ERI1: variants seen among roughly 807,000 people sequenced by gnomAD.
ERI1 encodes the protein exoribonuclease 1.
Under a neutral mutation model 39.7 loss-of-function variants are expected in ERI1, and 39 were observed. That is an observed-to-expected ratio of 0.98 (90% confidence interval 0.76 to 1.28). The LOEUF is 1.28. ERI1 is among the 50% of genes most tolerant of loss of function. The pLI is 0.00. For missense variants in ERI1, 581 were observed against 416.9 expected (o/e 1.39, Z -3.43); for synonymous variants, 204 against 149.6 (o/e 1.36, Z -2.65).
At chr8:9,062,069 A>G (rs887129100) in intron 3 of ERI1, among the ~76,000 whole-genome samples, 13 of 152,204 alleles carry the variant, frequency 8.5e-5, no homozygotes, top group Admixed American at 7.2e-4. Context: ...GTCTGGTTTT[A>G]GGACAGGTGA....
chr8:9,068,326 A>T (rs1393337913), intron 3 of ERI1, among the ~76,000 whole-genome samples: 1 of 152,118 alleles, frequency 6.6e-6, no homozygotes, highest in Non-Finnish European at 1.5e-5. Flanking sequence ...CTTTTAGTAG[A>T]GGTTCTCTTT....
intron 3 of ERI1, among the ~76,000 whole-genome samples, chr8:9,055,975 G>A (rs1320825258): frequency 1.3e-5 from 2 of 152,178 alleles, no homozygotes; most frequent in Admixed American, 6.5e-5. Context: ...GAAAGGCAGG[G>A]GAAGGTCAGA....
chr8:9,038,512 C>T (rs940181029), intron 3 of ERI1, among the ~76,000 whole-genome samples: 33 of 152,314 alleles, frequency 2.2e-4, no homozygotes, highest in African/African-American at 7.7e-4. Flanking sequence ...GTAATCCTAA[C>T]ACTTTGGGAG....
At chr8:9,092,021 A>G (rs530065747) in intron 3 of ERI1, among the ~76,000 whole-genome samples, 13 of 152,246 alleles carry the variant, frequency 8.5e-5, no homozygotes, top group African/African-American at 2.6e-4. Flanking sequence ...CAGTGGTGCA[A>G]TCTCGGCTCA....
At chr8:9,027,169 G>GTGTGTGTGTGTGTGTGTGTGTGTT (rs1797231331) in intron 6 of ERI1, among the ~76,000 whole-genome samples, 1 of 151,882 alleles carries the variant, frequency 6.6e-6, no homozygotes, top group Non-Finnish European at 1.5e-5. Context: ...GTGTGTGTGT[G>GTGTGTGTGTGTGTGTGTGTGTGTT]TGTGTGTGTT....
At chr8:9,058,140 C>G (rs1490829200) in intron 3 of ERI1, among the ~76,000 whole-genome samples, 1 of 152,156 alleles carries the variant, frequency 6.6e-6, no homozygotes, top group Non-Finnish European at 1.5e-5. Context: ...AAGGCAGGAG[C>G]TGGAGGAGAG....
intron 3 of ERI1, among the ~76,000 whole-genome samples, chr8:9,012,362 C>T (rs1008471147): frequency 6.6e-6 from 1 of 152,160 alleles, no homozygotes; most frequent in Non-Finnish European, 1.5e-5. Context: ...TAGGAATTCC[C>T]TAAAATAATA....
chr8:9,073,879 CCTATAAAA>C (rs1799130350), intron 3 of ERI1, among the ~76,000 whole-genome samples: 1 of 151,966 alleles, frequency 6.6e-6, no homozygotes, highest in Non-Finnish European at 1.5e-5. Context: ...AAAGTCAAAC[CCTATAAAA>C]TACCTTATAA....
At chr8:9,043,535 A>G (rs146111390) in intron 3 of ERI1, among the ~76,000 whole-genome samples, 4 of 152,376 alleles carry the variant, frequency 2.6e-5, no homozygotes, top group African/African-American at 9.6e-5. Flanking sequence ...TTCATCATCC[A>G]TGATAGGCAG....
chr8:9,098,861 G>T (rs1463427434), intron 3 of ERI1, among the ~76,000 whole-genome samples: 2 of 151,976 alleles, frequency 1.3e-5, no homozygotes, highest in Admixed American at 1.3e-4. Flanking sequence ...TTTCAGACAG[G>T]CTCTCACTGT....
At chr8:9,033,613 G>A (rs1265590180), downstream of ERI1, among the ~76,000 whole-genome samples, 2 of 152,226 alleles carry the variant, frequency 1.3e-5, no homozygotes, top group African/African-American at 2.4e-5. Flanking sequence ...GCACTGTTAA[G>A]TACTTTACTC....
intron 3 of ERI1, among the ~76,000 whole-genome samples, chr8:9,097,266 T>C (rs762718128): frequency 1.3e-5 from 2 of 152,234 alleles, no homozygotes; most frequent in African/African-American, 2.4e-5. Flanking sequence ...TTTTCTGTTT[T>C]TTATTCACTC....
chr8:9,009,012 C>T (rs1285354244), intron 2 of ERI1: 4 of 456,056 alleles, frequency 8.8e-6, no homozygotes, highest in East Asian at 6.9e-5. Context: ...CCTATTTCCC[C>T]GATTCTTTCT....
At chr8:9,061,588 C>T (rs1798699261) in intron 3 of ERI1, among the ~76,000 whole-genome samples, 1 of 152,232 alleles carries the variant, frequency 6.6e-6, no homozygotes, top group Non-Finnish European at 1.5e-5. Context: ...AGAAAGGCTA[C>T]ACAGTGCTGT....
At chr8:9,056,832 C>T (rs967300835) in intron 3 of ERI1, among the ~76,000 whole-genome samples, 1 of 152,132 alleles carries the variant, frequency 6.6e-6, no homozygotes, top group Admixed American at 6.5e-5. Context: ...ACACTTTCCC[C>T]ATGTAATTGT....
intron 3 of ERI1, among the ~76,000 whole-genome samples, chr8:9,080,659 A>G (rs951815549): frequency 6.6e-6 from 1 of 152,084 alleles, no homozygotes; most frequent in African/African-American, 2.4e-5. Flanking sequence ...TGTTTTCTAG[A>G]CGTGTCTTTG....
At chr8:9,015,977 A>AT (rs1817230653) in intron 3 of ERI1, among the ~76,000 whole-genome samples, 1 of 152,162 alleles carries the variant, frequency 6.6e-6, no homozygotes. Flanking sequence ...ATTATTTTTA[A>AT]AACTTAGTAT....
At chr8:9,005,627 G>A (rs56373388) in intron 1 of ERI1, among the ~76,000 whole-genome samples, 5,663 of 149,510 alleles carry the variant, frequency 0.038, 310 homozygotes, top group African/African-American at 0.12. Context: ...CCATTCTCCT[G>A]CCTCAGCCTC....
At chr8:9,004,762 C>T (rs1239837985) in intron 1 of ERI1, among the ~76,000 whole-genome samples, 1 of 236 alleles carries the variant, frequency 4.2e-3, no homozygotes, top group Non-Finnish European at 0.01. Flanking sequence ...TCTCAGCTTA[C>T]TGCAACCTCC....
Sources: gnomAD v4.1 joint callset for allele counts (sites outside exome capture counted in the v4.1 genomes callset) on GRCh38, gnomAD v4.1.1 for gene constraint, MANE v1.5 for transcripts, NCBI Gene and HGNC (gene_info 2026-07-23, HGNC 2026-07-21) for gene names.